DLC1: variants seen among roughly 807,000 people sequenced by gnomAD.
DLC1 encodes rho GTPase-activating protein 7.
Under a neutral mutation model 140.3 loss-of-function variants are expected in DLC1, and 54 were observed. That is an observed-to-expected ratio of 0.38 (90% CI 0.31 to 0.48). The LOEUF (loss-of-function observed/expected upper bound fraction) is 0.48. Ranked by LOEUF, DLC1 falls within the 20% of genes least tolerant of loss-of-function variation. DLC1 has a pLI of 0.96. For missense variants in DLC1, 2,536 were observed against 1,907.0 expected (o/e 1.33, Z -6.14); for synonymous variants, 986 against 728.1 (o/e 1.35, Z -5.70).
chr8:13,513,437 T>G (rs1368515988), intron 1 of DLC1, among the ~76,000 whole-genome samples: 1 of 152,140 alleles, frequency 6.6e-6, no homozygotes, highest in East Asian at 1.9e-4. Context: ...GAATAGCTAA[T>G]ATAGCAGATG....
intron 5 of DLC1, among the ~76,000 whole-genome samples, chr8:13,121,612 G>A (rs1444353790): frequency 6.6e-6 from 1 of 152,112 alleles, no homozygotes; most frequent in South Asian, 2.1e-4. Flanking sequence ...CTAGTGGCAT[G>A]ATCACAGCTC....
intron 5 of DLC1, among the ~76,000 whole-genome samples, chr8:13,156,062 C>T (rs1186603594): frequency 1.3e-5 from 2 of 152,104 alleles, no homozygotes; most frequent in African/African-American, 2.4e-5. Flanking sequence ...AATTTATTTT[C>T]TTGTTGCTTA....
At chr8:13,580,362 C>G (rs1280260846) in intron 1 of DLC1, among the ~76,000 whole-genome samples, 3 of 152,152 alleles carry the variant, frequency 2.0e-5, no homozygotes. Context: ...ACCTCGTGAT[C>G]TGCCCGCGTC....
At chr8:13,139,659 A>G (rs1822829048) in intron 5 of DLC1, among the ~76,000 whole-genome samples, 1 of 152,170 alleles carries the variant, frequency 6.6e-6, no homozygotes, top group African/African-American at 2.4e-5. Flanking sequence ...TTTAAAGGCT[A>G]TTTTATTTAA....
chr8:13,138,935 T>C (rs10503437), intron 5 of DLC1, among the ~76,000 whole-genome samples: 6,266 of 152,228 alleles, frequency 0.041, 308 homozygotes, highest in African/African-American at 0.12. Context: ...TTACAACTTT[T>C]GAATAATGCA....
rs1466690648 is a variant in DLC1, at chr8:13,084,944, TAAAC to T, written c.*863_*866del. Reference sequence around the variant, plus strand: ...CGTGTTCAGTTTTTATATCTCGACTTAAACAAAAAACAAAACAAAACAAAACAAA... The same window carrying T: ...CGTGTTCAGTTTTTATATCTCGACTTAAAAAACAAAACAAAACAAAACAAA... On this transcript the variant is annotated 3_prime_UTR_variant, in exon 18 of 18. Coordinates refer to ENST00000276297, the MANE Select transcript of DLC1 (RefSeq NM_182643.3). 1.3e-5 allele frequency: 2 copies of T among 152,178 alleles called. No individual in the cohort carries two copies. The highest frequency in any genetic ancestry group is 4.8e-5 in the African/African-American group (2 of 41,404). The allele number at this position is 152,178 out of a possible 1,614,324, so 9.4% of individuals were successfully genotyped here.
At chr8:13,362,056 A>G (rs1315914157) in intron 4 of DLC1, among the ~76,000 whole-genome samples, 2 of 152,228 alleles carry the variant, frequency 1.3e-5, no homozygotes. Context: ...TAAACTTGAG[A>G]AAACAGCAGA....
chr8:13,244,507 C>T (rs1056494289), intron 5 of DLC1, among the ~76,000 whole-genome samples: 4 of 151,912 alleles, frequency 2.6e-5, no homozygotes, highest in Non-Finnish European at 4.4e-5. Context: ...TTATGTTGCA[C>T]GGGCTGGTCT....
chr8:13,199,177 CTTTTTTTTT>C (rs71207132), intron 5 of DLC1, among the ~76,000 whole-genome samples: 22 of 93,268 alleles, frequency 2.4e-4, no homozygotes, highest in Admixed American at 1.3e-3. Flanking sequence ...TTCTCTTTTT[CTTTTTTTTT>C]TTTTTTTTTT....
intron 4 of DLC1, among the ~76,000 whole-genome samples, chr8:13,306,936 T>G (rs1832462633): frequency 1.3e-5 from 2 of 151,582 alleles, no homozygotes; most frequent in South Asian, 4.2e-4. Context: ...ATACAAAAAT[T>G]AGCCGGGCAT....
intron 2 of DLC1, among the ~76,000 whole-genome samples, chr8:13,479,216 G>A (rs1015560134): frequency 1.3e-5 from 2 of 152,138 alleles, no homozygotes; most frequent in African/African-American, 4.8e-5. Flanking sequence ...TGTTGACTAG[G>A]TAACTGAAGG....
chr8:13,539,366 A>AT (rs1483088287), intron 1 of DLC1, among the ~76,000 whole-genome samples: 5 of 151,998 alleles, frequency 3.3e-5, no homozygotes, highest in African/African-American at 7.2e-5. Flanking sequence ...CACCCAGCTA[A>AT]TTTTTTTGTA....
chr8:13,162,779 C>A (rs1563125368), intron 5 of DLC1, among the ~76,000 whole-genome samples: 1 of 152,074 alleles, frequency 6.6e-6, no homozygotes, highest in African/African-American at 2.4e-5. Flanking sequence ...GTCTTTACGC[C>A]TCCCCAGCCC....
At chr8:13,103,277 C>T (rs927262272) in intron 7 of DLC1, among the ~76,000 whole-genome samples, 7 of 151,816 alleles carry the variant, frequency 4.6e-5, no homozygotes, top group African/African-American at 1.7e-4. Flanking sequence ...CGCCACTGCA[C>T]TCCAGCCTGG....
At position 13,396,660 on chromosome 8, in the gene DLC1, A is replaced by G. The variant is rs1281501727; in HGVS notation, c.1174-2967T>C. Among the ~76,000 whole-genome samples the G allele has an allele frequency of 3.3e-5, 5 of 152,202 alleles. No individual in the cohort carries two copies. In the East Asian group the frequency reaches 9.7e-4, roughly 29 times the overall value. ...TTAGAGTTCAGGTGTGTCTGACCCCAGAATCCAACTTTTTAAAGTAACCAC... is the reference window on the plus strand; with the variant it reads ...TTAGAGTTCAGGTGTGTCTGACCCCGGAATCCAACTTTTTAAAGTAACCAC... On this transcript the variant is annotated intron_variant, in intron 3 of 17. Transcript: ENST00000276297.
intron 4 of DLC1, among the ~76,000 whole-genome samples, chr8:13,312,210 A>C (rs1382664046): frequency 7.3e-6 from 1 of 137,674 alleles, no homozygotes; most frequent in Non-Finnish European, 1.6e-5. Flanking sequence ...AAATACAAAA[A>C]ATTAGCCGGG....
chr8:13,569,410 C>G (rs556649246), intron 1 of DLC1, among the ~76,000 whole-genome samples: 3 of 152,248 alleles, frequency 2.0e-5, no homozygotes, highest in African/African-American at 7.2e-5. Context: ...GTAAGTCATT[C>G]TAAATGGAAA....
Position 13,500,112 on chromosome 8 carries a change from A to G in DLC1, c.-41T>C, listed in dbSNP as rs771096252. On this transcript the variant is annotated 5_prime_UTR_variant, in exon 2 of 18. Coordinates refer to ENST00000276297, the MANE Select transcript of DLC1 (RefSeq NM_182643.3). ...CAACAGACAGAGAGATATATTCCAT[A>G]TGAGGGTAAAGGAGATGGAACTTGA... 3.3e-6 allele frequency: 5 copies of G among 1,530,340 alleles called. No individual in the cohort carries two copies. Among genetic ancestry groups the G allele is most frequent in the Middle Eastern group, 1.8e-4 (1 of 5,696 alleles). The allele number at this position is 1,530,340 out of a possible 1,614,324, so 94.8% of individuals were successfully genotyped here.
intron 2 of DLC1, among the ~76,000 whole-genome samples, chr8:13,422,889 G>A (rs403824): frequency 0.018 from 2,796 of 152,196 alleles, 85 homozygotes; most frequent in African/African-American, 0.064. Context: ...ATGGCCCAGG[G>A]TCAGCTTCAT....
Sources: allele counts gnomAD v4.1 joint callset (sites outside exome capture counted in the v4.1 genomes callset), GRCh38; gene constraint gnomAD v4.1.1; transcripts MANE v1.5; gene names NCBI Gene and HGNC (gene_info 2026-07-23, HGNC 2026-07-21).